Variants in PAFAH1B1 observed in about 807,000 individuals in gnomAD.
The protein encoded by PAFAH1B1 is platelet activating factor acetylhydrolase 1b regulatory subunit 1.
A neutral mutation model predicts 57.5 loss-of-function variants in PAFAH1B1; 2 were observed. That is an observed-to-expected ratio of 0.03 (90% confidence interval 0.01 to 0.11). PAFAH1B1 has a LOEUF of 0.11. PAFAH1B1 is among the 10% of genes least tolerant of loss of function. The pLI is 1.00. For synonymous variants in PAFAH1B1, 152 were observed against 169.6 expected (o/e 0.90, Z 0.81); for missense variants, 257 against 512.0 (o/e 0.50, Z 4.81).
chr17:2,630,148 T>C (rs1359223780), intron 1 of PAFAH1B1, among the ~76,000 whole-genome samples: 4 of 152,176 alleles, frequency 2.6e-5, no homozygotes, highest in African/African-American at 7.2e-5. Flanking sequence ...CTGTGTACTT[T>C]GGGTTTTTTT....
intron 5 of PAFAH1B1, among the ~76,000 whole-genome samples, chr17:2,669,151 G>T (rs367713550): frequency 2.0e-5 from 3 of 151,806 alleles, no homozygotes; most frequent in African/African-American, 7.3e-5. Flanking sequence ...CCCACTAATT[G>T]TTTCTCCCCA....
chr17:2,676,160 C>T (rs891500541), intron 8 of PAFAH1B1, among the ~76,000 whole-genome samples: 2 of 152,082 alleles, frequency 1.3e-5, no homozygotes, highest in Non-Finnish European at 1.5e-5. Flanking sequence ...GATCGATCAT[C>T]TGAGGTTAGG....
At chr17:2,597,668 C>G (rs1047183291) in intron 1 of PAFAH1B1, among the ~76,000 whole-genome samples, 1 of 151,778 alleles carries the variant, frequency 6.6e-6, no homozygotes, top group Non-Finnish European at 1.5e-5. Flanking sequence ...CTCTGCCTCT[C>G]AAAGTTCTGG....
At chr17:2,664,288 G>A (rs1325977139) in intron 2 of PAFAH1B1, among the ~76,000 whole-genome samples, 1 of 152,108 alleles carries the variant, frequency 6.6e-6, no homozygotes, top group African/African-American at 2.4e-5. Context: ...TGTTGCCTAG[G>A]CTGGAGTGCA....
At chr17:2,663,308 C>T (rs957538297) in intron 2 of PAFAH1B1, among the ~76,000 whole-genome samples, 3 of 152,108 alleles carry the variant, frequency 2.0e-5, no homozygotes, top group Non-Finnish European at 2.9e-5. Context: ...AACTCTAGGT[C>T]AACAACTGAG....
intron 1 of PAFAH1B1, among the ~76,000 whole-genome samples, chr17:2,596,639 T>C (rs2068086716): frequency 1.3e-5 from 2 of 152,204 alleles, no homozygotes; most frequent in Non-Finnish European, 2.9e-5. Flanking sequence ...TTTACACTTT[T>C]GTTCTTTTTA....
intron 2 of PAFAH1B1, among the ~76,000 whole-genome samples, chr17:2,647,544 A>C (rs1161257813): frequency 6.6e-6 from 1 of 152,140 alleles, no homozygotes; most frequent in East Asian, 1.9e-4. Flanking sequence ...CTCAAAAAGG[A>C]AAACAAGAAG....
At chr17:2,667,572 T>C (rs1313032971) in intron 5 of PAFAH1B1, 2 of 253,356 alleles carry the variant, frequency 7.9e-6, no homozygotes, top group Admixed American at 1.0e-4. Context: ...CACCTTGTGC[T>C]TGAACAATTT....
At position 2,670,218 on chromosome 17, in the gene PAFAH1B1, C is replaced by G. The variant is rs2151663995; in HGVS notation, c.455C>G (p.Ser152Cys). The G allele has an allele frequency of 6.2e-7, 1 of 1,614,002 alleles. No homozygotes were observed. The highest frequency in any genetic ancestry group is 1.1e-5 in the South Asian group (1 of 91,082). Residue 152 changes from serine (S) to cysteine (C), a missense_variant, in exon 6 of 11, where the codon TCT becomes TGT. Ser to Cys is a moderately radical substitution (Grantham distance 112, BLOSUM62 -1). Transcript: ENST00000397195. ...FERTLKGHTD[S>C]VQDISFDHSG... is the part of the protein sequence containing the mutation. Reference sequence around the variant, plus strand: ...CGAACTCTTAAAGGACATACAGACTCTGTACAGGACATTTCATTCGACCAC... The same window carrying G: ...CGAACTCTTAAAGGACATACAGACTGTGTACAGGACATTTCATTCGACCAC...
intron 1 of PAFAH1B1, 109 bp downstream of exon 1, chr17:2,594,115 C>T (rs2068056004): frequency 2.5e-6 from 1 of 395,614 alleles, no homozygotes; most frequent in Non-Finnish European, 4.5e-6. Context: ...TCCCCTCCCT[C>T]CCATTCTCCC....
chr17:2,649,031 A>T (rs2068812680), intron 2 of PAFAH1B1, among the ~76,000 whole-genome samples: 1 of 151,960 alleles, frequency 6.6e-6, no homozygotes, highest in Admixed American at 6.6e-5. Context: ...AGCCAACCTA[A>T]GGGAATCAAC....
intron 1 of PAFAH1B1, among the ~76,000 whole-genome samples, chr17:2,624,578 G>C (rs1316346151): frequency 2.6e-5 from 4 of 152,174 alleles, no homozygotes; most frequent in Admixed American, 6.5e-5. Context: ...AAACCTGTCA[G>C]ATCTTGTGAG....
intron 1 of PAFAH1B1, among the ~76,000 whole-genome samples, chr17:2,620,163 A>G (rs1244298781): frequency 6.6e-6 from 1 of 152,086 alleles, no homozygotes; most frequent in Non-Finnish European, 1.5e-5. Flanking sequence ...TCTTATTTTG[A>G]TTAAATTTTG....
intron 1 of PAFAH1B1, among the ~76,000 whole-genome samples, chr17:2,597,733 T>C (rs932813682): frequency 7.3e-6 from 1 of 137,568 alleles, no homozygotes; most frequent in Admixed American, 7.1e-5. Context: ...TTAAAAATAA[T>C]ATAAATGTTT....
At chr17:2,643,854 C>G (rs745711845) in intron 2 of PAFAH1B1, among the ~76,000 whole-genome samples, 2 of 151,902 alleles carry the variant, frequency 1.3e-5, no homozygotes, top group Non-Finnish European at 2.9e-5. Flanking sequence ...GCCACCGTGC[C>G]CGGCCCACAC....
intron 2 of PAFAH1B1, among the ~76,000 whole-genome samples, chr17:2,662,378 TTGTGTGTGTGTG>T (rs57918293): frequency 0.14 from 17,289 of 123,738 alleles, 1,258 homozygotes; most frequent in Middle Eastern, 0.27. Flanking sequence ...TTTAACCTCT[TTGTGTGTGTGTG>T]TGTGTGTGTG....
In PAFAH1B1 at chr17:2,685,020, G is replaced by GT. The variant is rs531799823; in HGVS notation, c.*3220dup. The stretch of plus-strand genomic sequence containing the variant: ...TCCTTAAGCAACTGAAGTTAAAATT[G>GT]TTGAAGGAAAAGGCACTTAAATTGG... On this transcript the variant is annotated 3_prime_UTR_variant, in exon 11 of 11. Transcript: ENST00000397195. The GT allele has an allele frequency of 9.9e-5, 15 of 152,208 alleles. No individual in the cohort carries two copies. In the East Asian group the frequency reaches 2.9e-3, roughly 29 times the overall value. The allele number at this position is 152,208 out of a possible 1,614,324, so 9.4% of individuals were successfully genotyped here.
At chr17:2,603,709 G>A (rs1189172906) in intron 1 of PAFAH1B1, among the ~76,000 whole-genome samples, 1 of 150,478 alleles carries the variant, frequency 6.6e-6, no homozygotes, top group Non-Finnish European at 1.5e-5. Flanking sequence ...AATCTTGATT[G>A]ACATTGGGTA....
chr17:2,676,422 A>G (rs1462079888), intron 8 of PAFAH1B1, 83 bp from the exon 9 acceptor site: 3 of 869,238 alleles, frequency 3.5e-6, no homozygotes, highest in Non-Finnish European at 5.8e-6. Context: ...TTGGAAATAT[A>G]TATCATTATT....
Sources: allele counts gnomAD v4.1 joint callset (sites outside exome capture counted in the v4.1 genomes callset), GRCh38; gene constraint gnomAD v4.1.1; transcripts MANE v1.5; gene names NCBI Gene and HGNC (gene_info 2026-07-23, HGNC 2026-07-21).